Variants in RBP3 observed in about 807,000 individuals in gnomAD.
RBP3 encodes retinol-binding protein 3.
In RBP3, 50 loss-of-function variants were observed where a neutral mutation model predicts 64.8. The ratio of observed to expected loss-of-function variants is 0.77; its 90% CI spans 0.61 to 0.98. RBP3 has a LOEUF of 0.98. RBP3 is among the 50% of genes least tolerant of loss of function. The pLI is 0.00. For missense variants in RBP3, 1,712 were observed against 1,660.5 expected, an observed-to-expected ratio of 1.03 and a Z score of -0.54; for synonymous variants, 828 against 730.2, an observed-to-expected ratio of 1.13 and a Z score of -2.16.
intron 3 of RBP3, 106 bp from the exon 4 acceptor site, chr10:47,356,995 TA>T: frequency 9.7e-7 from 1 of 1,030,846 alleles, no homozygotes; most frequent in Non-Finnish European, 1.4e-6. Context: ...GACACAGACC[TA>T]AACCCCCGGG....
chr10:47,353,432 G>A lies in RBP3; in HGVS notation c.3162G>A (p.Glu1054=). The change falls in exon 2 of 4, where the codon GAG becomes GAA. Residue 1054 remains glutamate (E), a synonymous_variant. Coordinates refer to ENST00000584701, the MANE Select transcript of RBP3 (RefSeq NM_002900.3). ...YLRFDMFGDG[E]LLTQVSRLLV... is the part of the protein sequence containing the mutation. ...GGTTTGACATGTTTGGGGACGGTGA[G>A]CTGCTCACCCAGGTCTCCAGGCTGC... The A allele has an allele frequency of 6.2e-7, 1 of 1,614,168 alleles. No homozygotes were observed. The highest frequency in any genetic ancestry group is 2.2e-5 in the East Asian group (1 of 44,880).
At position 47,350,593 on chromosome 10, in the gene RBP3, C is replaced by T; in HGVS notation, c.2109C>T (p.His703=). 1.2e-6 allele frequency: 2 copies of T among 1,612,984 alleles called. No homozygotes were observed. The highest frequency in any genetic ancestry group is 1.7e-6 in the Non-Finnish European group (2 of 1,180,024). ...GGGACCACCGCTTGCTAGTGTTCCACAGCCCTGGCGAGCTGGTGGTAGAGG... is the reference window on the plus strand; with the variant it reads ...GGGACCACCGCTTGCTAGTGTTCCATAGCCCTGGCGAGCTGGTGGTAGAGG... The part of the protein sequence containing the change: ...VSGDHRLLVF[H]SPGELVVEEA... The change falls in exon 1 of 4, where the codon CAC becomes CAT. Residue 703 remains histidine (H), a synonymous_variant. Transcript: ENST00000584701.
rs1185069667 is a variant in RBP3 at position 47,351,016 on chromosome 10, G to A, written c.2532G>A (p.Met844Ile). Reference sequence around the variant, plus strand: ...CACACAAGGACCTCTACATCCTGATGAGCCACACCAGTGGCTCTGCGGCCG... The same window carrying A: ...CACACAAGGACCTCTACATCCTGATAAGCCACACCAGTGGCTCTGCGGCCG... ...YGSHKDLYIL[M>I]SHTSGSAAEA... is the part of the protein sequence containing the mutation. Residue 844 changes from methionine to isoleucine, a missense_variant, in exon 1 of 4, where the codon ATG becomes ATA. Transcript: ENST00000584701. 1.2e-5 allele frequency: 19 copies of A among 1,610,874 alleles called. No homozygotes were observed. The highest frequency in any genetic ancestry group is 1.1e-4 in the East Asian group (5 of 44,892).
chr10:47,349,415 C>A lies in RBP3; in HGVS notation c.931C>A (p.Gln311Lys), dbSNP rs1156464848. 1.9e-6 allele frequency: 3 copies of A among 1,611,756 alleles called. No individual in the cohort carries two copies. Among genetic ancestry groups the A allele is most frequent in the East Asian group, 2.2e-5 (1 of 44,880 alleles). The change falls in exon 1 of 4, where the codon CAG becomes AAG. Residue 311 changes from glutamine to lysine, a missense_variant. Gln to Lys is a moderately conservative substitution (Grantham distance 53). Transcript: ENST00000584701. ...VLPCVGTPAE[Q>K]ALEKALAILT... Reference sequence around the variant, plus strand: ...GCCCTGTGTGGGGACTCCGGCCGAGCAGGCCCTGGAGAAAGCCCTGGCCAT... The same window carrying A: ...GCCCTGTGTGGGGACTCCGGCCGAGAAGGCCCTGGAGAAAGCCCTGGCCAT...
rs1048562705 is a variant in RBP3, at chr10:47,350,333, G to A, written c.1849G>A (p.Val617Met). 4.3e-6 allele frequency: 7 copies of A among 1,611,616 alleles called. No individual in the cohort carries two copies. The highest frequency in any genetic ancestry group is 2.2e-5 in the South Asian group (2 of 91,088). The change falls in exon 1 of 4, where the codon GTG becomes ATG. Residue 617 changes from valine to methionine, a missense_variant. By Grantham distance (21) the Val-to-Met change is conservative. Transcript: ENST00000584701. Reference sequence around the variant, plus strand: ...TGGTGGAGTGGTGCCCGATGCCATCGTGCTGGCCGAGGAGGCCCTGGACAA... The same window carrying A: ...TGGTGGAGTGGTGCCCGATGCCATCATGCTGGCCGAGGAGGCCCTGGACAA... ...LGGGVVPDAIVLAEEALDKAQ... is the reference protein window; with the variant it reads ...LGGGVVPDAIMLAEEALDKAQ...
Position 47,350,185 on chromosome 10 carries a change from G to C in RBP3, c.1701G>C (p.Glu567Asp). 6.2e-7 allele frequency: 1 copy of C among 1,611,516 alleles called. No homozygotes were observed. Among genetic ancestry groups the C allele is most frequent in the Non-Finnish European group, 8.5e-7 (1 of 1,179,982 alleles). The change falls in exon 1 of 4, where the codon GAG becomes GAC. Residue 567 changes from glutamate to aspartate, a missense_variant. Glu to Asp is a conservative substitution (Grantham distance 45). Coordinates refer to ENST00000584701, the MANE Select transcript of RBP3 (RefSeq NM_002900.3). ...QSLGWATLVG[E>D]ITAGNLLHTR... ...TGGGCTGGGCCACACTGGTAGGTGA[G>C]ATCACCGCGGGCAACCTGCTGCACA...
At position 47,349,798 on chromosome 10, in the gene RBP3, T is replaced by C. The variant is rs1332377346; in HGVS notation, c.1314T>C (p.Asn438=). ...SVFQVSVLPG[N]VGYLRFDSFA... is the part of the protein sequence containing the mutation. ...TCCAGGTGTCGGTGCTGCCAGGCAA[T>C]GTGGGCTACCTGCGCTTCGATAGTT... The change falls in exon 1 of 4, where the codon AAT becomes AAC. Residue 438 remains asparagine, a synonymous_variant. Coordinates refer to ENST00000584701, the MANE Select transcript of RBP3 (RefSeq NM_002900.3). The C allele has an allele frequency of 5.6e-6, 9 of 1,613,226 alleles. No homozygotes were observed. The highest frequency in any genetic ancestry group is 7.6e-6 in the Non-Finnish European group (9 of 1,180,022).
chr10:47,353,489 C>T lies in RBP3; in HGVS notation c.3219C>T (p.His1073=). 6.2e-7 allele frequency: 1 copy of T among 1,614,122 alleles called. No individual in the cohort carries two copies. ...LVEHIWKKIM[H]TDAMIIDMRF... ...AGCACATCTGGAAGAAGATCATGCA[C>T]ACGGATGCCATGATCATCGACATGA... Residue 1073 remains histidine (H), a synonymous_variant, in exon 2 of 4, where the codon CAC becomes CAT. Coordinates refer to ENST00000584701, the MANE Select transcript of RBP3 (RefSeq NM_002900.3).
chr10:47,349,067 C>A lies in RBP3; in HGVS notation c.583C>A (p.His195Asn). Residue 195 changes from histidine (H) to asparagine (N), a missense_variant, in exon 1 of 4, where the codon CAC becomes AAC. Physicochemically the swap from His to Asn is moderately conservative, Grantham distance 68. Transcript: ENST00000584701. ...SYLHPGNTIL[H>N]VDTIYNRPSN... ...CCTGCACCCAGGGAACACCATCCTG[C>A]ACGTGGACACTATCTACAACCGCCC... The A allele has an allele frequency of 1.2e-6, 2 of 1,614,026 alleles. No homozygotes were observed. The highest frequency in any genetic ancestry group is 1.7e-6 in the Non-Finnish European group (2 of 1,180,028).
intron 1 of RBP3, 149 bp downstream of exon 1, chr10:47,351,687 T>C: frequency 1.0e-6 from 1 of 1,002,536 alleles, no homozygotes; most frequent in South Asian, 1.4e-5. Flanking sequence ...CCTTTCCTCT[T>C]TCTCAACCTG....
rs1555210842 is a variant in RBP3, at chr10:47,348,467, G to T, written c.-18G>T. The stretch of plus-strand genomic sequence containing the variant: ...CAGGGAGCTTTTGTGCAGGAGCCAG[G>T]CCTCCCCCTGGGTCCCCATGATGAG... On this transcript the variant is annotated 5_prime_UTR_variant, in exon 1 of 4. Coordinates refer to ENST00000584701, the MANE Select transcript of RBP3 (RefSeq NM_002900.3). 1 of 1,599,450 alleles carries T rather than the reference G, an allele frequency of 6.3e-7. No individual in the cohort carries two copies. Among genetic ancestry groups the T allele is most frequent in the South Asian group, 1.1e-5 (1 of 90,958 alleles).
At position 47,357,214 on chromosome 10, in the gene RBP3, T is replaced by G; in HGVS notation, c.3501T>G (p.Ile1167Met). ...AGAGGCTGGGCCGGGCCCTGGTCATTGGGGAGGTGACCAGTGGGGGCTGCC... is the reference window on the plus strand; with the variant it reads ...AGAGGCTGGGCCGGGCCCTGGTCATGGGGGAGGTGACCAGTGGGGGCTGCC... ...IMKRLGRALV[I>M]GEVTSGGCQP... Residue 1167 changes from isoleucine to methionine, a missense_variant, in exon 4 of 4, where the codon ATT becomes ATG. Ile to Met is a conservative substitution (Grantham distance 10). Coordinates refer to ENST00000584701, the MANE Select transcript of RBP3 (RefSeq NM_002900.3). 6.2e-7 allele frequency: 1 copy of G among 1,613,964 alleles called. No homozygotes were observed. The highest frequency in any genetic ancestry group is 2.2e-5 in the East Asian group (1 of 44,870).
In RBP3 at chr10:47,348,462, G is replaced by A. The variant is rs1022010898; in HGVS notation, c.-23G>A. 8 of 1,598,512 alleles carry A rather than the reference G, an allele frequency of 5.0e-6. No individual in the cohort carries two copies. The East Asian group carries it at 1.8e-4, about 36-fold the overall frequency. ...CAGTCCAGGGAGCTTTTGTGCAGGA[G>A]CCAGGCCTCCCCCTGGGTCCCCATG... On this transcript the variant is annotated 5_prime_UTR_variant, in exon 1 of 4. Transcript: ENST00000584701.
rs782644072 is a variant in RBP3, at chr10:47,350,230, G to A, written c.1746G>A (p.Leu582=). 1.2e-6 allele frequency: 2 copies of A among 1,608,398 alleles called. No homozygotes were observed. Among genetic ancestry groups the A allele is most frequent in the Non-Finnish European group, 8.5e-7 (1 of 1,179,928 alleles). The change falls in exon 1 of 4, where the codon CTG becomes CTA. Residue 582 remains leucine (L), a synonymous_variant. Coordinates refer to ENST00000584701, the MANE Select transcript of RBP3 (RefSeq NM_002900.3). ...NLLHTRTVPL[L]DTPEGSLALT... Reference sequence around the variant, plus strand: ...TGCACACCCGCACGGTGCCGCTGCTGGACACACCCGAAGGCAGCCTCGCGC... The same window carrying A: ...TGCACACCCGCACGGTGCCGCTGCTAGACACACCCGAAGGCAGCCTCGCGC...
At chr10:47,357,049 G>A in intron 3 of RBP3, 53 bp from the exon 4 acceptor site, 1 of 1,537,506 alleles carries the variant, frequency 6.5e-7, no homozygotes, top group Non-Finnish European at 8.8e-7. Context: ...GAGAAGACAG[G>A]TGCTCCAGGG....
In RBP3 at chr10:47,353,329, C is replaced by T. The variant is rs1258032515; in HGVS notation, c.3059C>T (p.Pro1020Leu). The change falls in exon 2 of 4, where the codon CCT becomes CTT. Residue 1020 changes from proline to leucine, a missense_variant. By Grantham distance (98) the Pro-to-Leu change is moderately conservative. Transcript: ENST00000584701. ...TAGGACCTCCAACTCTTACAGATCC[C>T]TTCCCCTGAAGTATTTGAAGAGCTG... is the stretch of plus-strand genomic sequence containing the variant. Reference protein sequence around the residue: ...RIPGIVPMQIPSPEVFEELIK... With the variant: ...RIPGIVPMQILSPEVFEELIK... 3 of 1,613,874 alleles carry T rather than the reference C, an allele frequency of 1.9e-6. No individual in the cohort carries two copies. Among genetic ancestry groups the T allele is most frequent in the Non-Finnish European group, 1.7e-6 (2 of 1,180,010 alleles).
At position 47,348,783 on chromosome 10, in the gene RBP3, C is replaced by A. The variant is rs143076262; in HGVS notation, c.299C>A (p.Pro100Gln). ...SYEPSTPEPPPQVPALTSLSE... is the reference protein window; with the variant it reads ...SYEPSTPEPPQQVPALTSLSE... ...GAGCCCAGCACCCCCGAGCCTCCCCCACAAGTCCCAGCACTCACCAGCCTC... is the reference window on the plus strand; with the variant it reads ...GAGCCCAGCACCCCCGAGCCTCCCCAACAAGTCCCAGCACTCACCAGCCTC... The change falls in exon 1 of 4, where the codon CCA (proline) becomes CAA (glutamine). Residue 100 changes from proline to glutamine, a missense_variant. Transcript: ENST00000584701. 37 of 1,613,616 alleles carry A rather than the reference C, an allele frequency of 2.3e-5. No individual in the cohort carries two copies. The highest frequency in any genetic ancestry group is 1.8e-4 in the Admixed American group (11 of 60,012).
chr10:47,353,632 G>A, intron 2 of RBP3, 117 bp downstream of exon 2: 1 of 1,224,924 alleles, frequency 8.2e-7, no homozygotes. Context: ...GAGGACCTGA[G>A]GGGGGCCAGG....
chr10:47,351,735 C>G (rs1286953760), intron 1 of RBP3, among the ~76,000 whole-genome samples, 197 bp downstream of exon 1: 3 of 152,236 alleles, frequency 2.0e-5, no homozygotes, highest in Non-Finnish European at 4.4e-5. Context: ...TTGCTGAACA[C>G]CTCTGTAGAA....
Sources: gnomAD v4.1 joint callset for allele counts (sites outside exome capture counted in the v4.1 genomes callset) on GRCh38, gnomAD v4.1.1 for gene constraint, MANE v1.5 for transcripts, NCBI Gene and HGNC (gene_info 2026-07-23, HGNC 2026-07-21) for gene names.